TMEM214: variants seen among roughly 807,000 people sequenced by gnomAD.
TMEM214 encodes transmembrane protein 214.
TMEM214 carries 71 observed loss-of-function variants against 89.8 expected under a neutral mutation model. That is an observed-to-expected ratio of 0.79 (90% CI 0.65 to 0.96). The LOEUF (loss-of-function observed/expected upper bound fraction) is 0.96. Among genes scored for constraint, TMEM214 ranks in the 40% least tolerant of loss-of-function variants. TMEM214 has a pLI of 0.00. For synonymous variants in TMEM214, 332 were observed against 349.5 expected, an observed-to-expected ratio of 0.95 and a Z score of 0.56; for missense variants, 754 against 843.4, an observed-to-expected ratio of 0.89 and a Z score of 1.31.
intron 8 of TMEM214, 118 bp downstream of exon 8, chr2:27,037,296 C>A: frequency 1.1e-6 from 1 of 945,598 alleles, no homozygotes; most frequent in South Asian, 1.4e-5. Flanking sequence ...CCTGGAAGTT[C>A]AAGAGTAGGT....
At chr2:27,037,243 C>A in intron 8 of TMEM214, 65 bp downstream of exon 8, 1 of 1,295,446 alleles carries the variant, frequency 7.7e-7, no homozygotes, top group Non-Finnish European at 1.1e-6. Context: ...ACTACATATT[C>A]CCGTCTCTCC....
In TMEM214 at chr2:27,035,992, C is replaced by T. The variant is rs200348969; in HGVS notation, c.660C>T (p.Arg220=). ...CAGGGGAGTCACTACATGGTTACCG[C>T]ATCTGTATCCAGGCCATCCTGCAAG... ...KTPGESLHGY[R]ICIQAILQDK... Residue 220 remains arginine, a synonymous_variant, in exon 5 of 17, where the codon CGC becomes CGT. Coordinates refer to ENST00000238788, the MANE Select transcript of TMEM214 (RefSeq NM_017727.5). The T allele has an allele frequency of 1.9e-6, 3 of 1,614,060 alleles. No individual in the cohort carries two copies. Among genetic ancestry groups the T allele is most frequent in the Non-Finnish European group, 1.7e-6 (2 of 1,180,054 alleles).
In TMEM214 at chr2:27,033,132, G is replaced by A; in HGVS notation, c.117G>A (p.Gly39=). 2 of 1,248,792 alleles carry A rather than the reference G, an allele frequency of 1.6e-6. No individual in the cohort carries two copies. Among genetic ancestry groups the A allele is most frequent in the East Asian group, 3.2e-5 (1 of 31,664 alleles). 77.4% of individuals were successfully genotyped at this position (1,248,792 alleles called of 1,614,324 possible). A position where few individuals can be genotyped will look rare whatever the true frequency, so the allele number is the denominator to read the frequency against. Reference sequence around the variant, plus strand: ...GCGGCAGGAACCGCAGGGCGCTCGGGGAAGCAAACGGAGTGTGGAAATACG... The same window carrying A: ...GCGGCAGGAACCGCAGGGCGCTCGGAGAAGCAAACGGAGTGTGGAAATACG... The part of the protein sequence containing the change: ...RGGGRNRRAL[G]EANGVWKYDL... The change falls in exon 1 of 17, where the codon GGG becomes GGA. Residue 39 remains glycine, a synonymous_variant. Transcript: ENST00000238788.
chr2:27,034,337 A>G, intron 2 of TMEM214, 71 bp downstream of exon 2: 2 of 1,520,088 alleles, frequency 1.3e-6, no homozygotes, highest in Non-Finnish European at 1.8e-6. Context: ...GAGGAGGGGG[A>G]GGTGGATGGG....
chr2:27,034,882 C>A (rs949999222), intron 2 of TMEM214, among the ~76,000 whole-genome samples: 2 of 152,176 alleles, frequency 1.3e-5, no homozygotes, highest in Non-Finnish European at 2.9e-5. Flanking sequence ...CCGCGCCTGG[C>A]CCTCTGTTTT....
At chr2:27,039,587 C>T in intron 13 of TMEM214, 154 bp from the exon 14 acceptor site, 1 of 702,520 alleles carries the variant, frequency 1.4e-6, no homozygotes, top group South Asian at 1.7e-5. Flanking sequence ...CTGCATGCCT[C>T]CCTCCACAGC....
chr2:27,037,104 C>T lies in TMEM214; in HGVS notation c.936C>T (p.Phe312=), dbSNP rs772988702. Residue 312 remains phenylalanine, a synonymous_variant, in exon 8 of 17, where the codon TTC becomes TTT. Coordinates refer to ENST00000238788, the MANE Select transcript of TMEM214 (RefSeq NM_017727.5). ...TGCATCCCAACCTTACCAAGGGCTT[C>T]GGCATGATTGGCCCCAAGGACTTCT... The part of the protein sequence containing the change: ...LLMHPNLTKG[F]GMIGPKDFFP... The T allele has an allele frequency of 5.0e-6, 8 of 1,614,064 alleles. No homozygotes were observed. The South Asian group carries it at 5.5e-5, about 11-fold the overall frequency.
At chr2:27,033,461 C>T (rs181731395) in intron 1 of TMEM214, among the ~76,000 whole-genome samples, 2 of 152,252 alleles carry the variant, frequency 1.3e-5, no homozygotes, top group Non-Finnish European at 2.9e-5. Context: ...TCCCAGCTGC[C>T]CAGGGCCCTA....
intron 1 of TMEM214, among the ~76,000 whole-genome samples, chr2:27,033,681 T>C (rs1667430023): frequency 6.6e-6 from 1 of 152,126 alleles, no homozygotes; most frequent in African/African-American, 2.4e-5. Flanking sequence ...TTGCCACTTG[T>C]TGATTATAGA....
intron 13 of TMEM214, 101 bp from the exon 14 acceptor site, chr2:27,039,640 T>C: frequency 9.7e-7 from 1 of 1,034,206 alleles, no homozygotes; most frequent in Non-Finnish European, 1.5e-6. Context: ...CACAAAGCTC[T>C]GCCCAGCGCC....
Position 27,040,907 on chromosome 2 carries a change from A to C in TMEM214, c.*70A>C, listed in dbSNP as rs1482188850. 11 of 1,576,420 alleles carry C rather than the reference A, an allele frequency of 7.0e-6. No individual in the cohort carries two copies. Among genetic ancestry groups the C allele is most frequent in the Non-Finnish European group, 9.5e-6 (11 of 1,153,736 alleles). On this transcript the variant is annotated 3_prime_UTR_variant, in exon 17 of 17. Coordinates refer to ENST00000238788, the MANE Select transcript of TMEM214 (RefSeq NM_017727.5). The stretch of plus-strand genomic sequence containing the variant: ...AAGACTGCAGCGGGTAGAAGGTGGC[A>C]GTTCTTCATGGGAGTCTTTTTAACT...
chr2:27,034,010 G>A, intron 1 of TMEM214, 57 bp from the exon 2 acceptor site: 3 of 1,578,264 alleles, frequency 1.9e-6, no homozygotes, highest in Non-Finnish European at 2.6e-6. Context: ...ACCACTGATA[G>A]GTGAGGCCTT....
At chr2:27,034,641 C>T (rs908818038) in intron 2 of TMEM214, 7 of 211,596 alleles carry the variant, frequency 3.3e-5, no homozygotes, top group African/African-American at 5.4e-5. Context: ...CTCCCTCTGT[C>T]GCCCAGGCTG....
Position 27,038,758 on chromosome 2 carries a change from G to A in TMEM214, c.1350G>A (p.Leu450=). The A allele has an allele frequency of 6.2e-7, 1 of 1,614,194 alleles. No individual in the cohort carries two copies. The highest frequency in any genetic ancestry group is 8.5e-7 in the Non-Finnish European group (1 of 1,180,016). ...IQSLKLTNQE[L]LRKGSSNNQD... ...CCCTCAAGCTTACCAACCAGGAGCTGCTGAGGAAGGGTAGCAGTAACAACC... is the reference window on the plus strand; with the variant it reads ...CCCTCAAGCTTACCAACCAGGAGCTACTGAGGAAGGGTAGCAGTAACAACC... Residue 450 remains leucine (L), a synonymous_variant, in exon 12 of 17, where the codon CTG becomes CTA. Transcript: ENST00000238788. This position sits in a 1 kb window ranked among gnomAD's most constrained non-coding sequence, Gnocchi z 4.4.
intron 13 of TMEM214, 33 bp from the exon 14 acceptor site, chr2:27,039,708 C>T: frequency 6.3e-7 from 1 of 1,589,602 alleles, no homozygotes; most frequent in Non-Finnish European, 8.6e-7. Flanking sequence ...GCCCCTCTCA[C>T]CTCCCAGCTC....
chr2:27,036,398 C>A, intron 5 of TMEM214, 89 bp from the exon 6 acceptor site: 2 of 1,109,100 alleles, frequency 1.8e-6, no homozygotes, highest in Admixed American at 1.7e-5. Context: ...CTCCCTCTTC[C>A]AGTTGACATC....
Position 27,038,885 on chromosome 2 carries a change from C to T in TMEM214, c.1407+70C>T. 1 of 1,478,288 alleles carries T rather than the reference C, an allele frequency of 6.8e-7. No individual in the cohort carries two copies. The allele number at this position is 1,478,288 out of a possible 1,614,324, so 91.6% of individuals were successfully genotyped here. A position where few individuals can be genotyped will look rare whatever the true frequency, so the allele number is the denominator to read the frequency against. The stretch of plus-strand genomic sequence containing the variant: ...TCTGTCTCAGCACACCTGGGTTGGG[C>T]CTGTATCACATTCCTGCCCCACCTG... On this transcript the variant is annotated intron_variant, in intron 12 of 16. Transcript: ENST00000238788. This position sits in a 1 kb window ranked among gnomAD's most constrained non-coding sequence, Gnocchi z 4.4.
Position 27,035,293 on chromosome 2 carries a change from C to G in TMEM214, c.502+8C>G, listed in dbSNP as rs1558395501. 5.6e-6 allele frequency: 9 copies of G among 1,614,190 alleles called. No homozygotes were observed. Among genetic ancestry groups the G allele is most frequent in the Non-Finnish European group, 5.9e-6 (7 of 1,180,024 alleles). ...TGAGCCAGCATACTCATGGTAAGTC[C>G]TTCCAGCTTCCTCAAGCTCAGACAA... On this transcript the variant is annotated splice_region_variant and intron_variant, in intron 3 of 16. Coordinates refer to ENST00000238788, the MANE Select transcript of TMEM214 (RefSeq NM_017727.5).
chr2:27,040,367 C>G lies in TMEM214; in HGVS notation c.1814C>G (p.Ser605Cys). ...CAGCTACAGATCCAGCTCCCCGATT[C>G]CGTGAATCAGCTACTCCGCTATCTG... ...SQRLQIQLPD[S>C]VNQLLRYLRE... Residue 605 changes from serine to cysteine, a missense_variant, in exon 16 of 17, where the codon TCC becomes TGC. Coordinates refer to ENST00000238788, the MANE Select transcript of TMEM214 (RefSeq NM_017727.5). 1 of 1,614,230 alleles carries G rather than the reference C, an allele frequency of 6.2e-7. No individual in the cohort carries two copies. Among genetic ancestry groups the G allele is most frequent in the East Asian group, 2.2e-5 (1 of 44,890 alleles).
Sources: allele counts gnomAD v4.1 joint callset (sites outside exome capture counted in the v4.1 genomes callset), GRCh38; gene constraint gnomAD v4.1.1; non-coding constraint Gnocchi (gnomAD v3.1); transcripts MANE v1.5; gene names NCBI Gene and HGNC (gene_info 2026-07-23, HGNC 2026-07-21).